The following HBP1 variants were observed in gnomAD, a reference collection of about 807,000 sequenced individuals.
HBP1 encodes HMG-box transcription factor 1.
A neutral mutation model predicts 62.6 loss-of-function variants in HBP1; 20 were observed. The ratio of observed to expected loss-of-function variants is 0.32; its 90% CI spans 0.22 to 0.46. The LOEUF is 0.46. Ranked by LOEUF, HBP1 falls within the 20% of genes least tolerant of loss-of-function variation. HBP1 has a pLI of 1.00. For missense variants in HBP1, 480 were observed against 611.8 expected (o/e 0.78, Z 2.27); for synonymous variants, 232 against 206.2 (o/e 1.12, Z -1.07).
chr7:107,171,420 G>A (rs771047341), intron 1 of HBP1, among the ~76,000 whole-genome samples: 41 of 152,102 alleles, frequency 2.7e-4, no homozygotes, highest in Non-Finnish European at 4.1e-4. Context: ...GAAGTGGCCA[G>A]TGAAGAAGGC....
At position 107,179,943 on chromosome 7, in the gene HBP1, T is replaced by C; in HGVS notation, c.50T>C (p.Leu17Pro). ...CAGATGCCTAATGCAGTACAGAAACTCCTGTTGGTGATGGACAAGAGAGCC... is the reference window on the plus strand; with the variant it reads ...CAGATGCCTAATGCAGTACAGAAACCCCTGTTGGTGATGGACAAGAGAGCC... ...TNQMPNAVQK[L>P]LLVMDKRASG... Residue 17 changes from leucine to proline, a missense_variant, in exon 2 of 11, where the codon CTC (leucine) becomes CCC (proline). Coordinates refer to ENST00000222574, the MANE Select transcript of HBP1 (RefSeq NM_012257.4). The C allele has an allele frequency of 6.3e-7, 1 of 1,593,672 alleles. No homozygotes were observed. The highest frequency in any genetic ancestry group is 8.6e-7 in the Non-Finnish European group (1 of 1,167,186).
chr7:107,177,939 GTC>G (rs1430719316), intron 1 of HBP1, among the ~76,000 whole-genome samples: 1 of 151,968 alleles, frequency 6.6e-6, no homozygotes, highest in Non-Finnish European at 1.5e-5. Context: ...TCATGAAAAA[GTC>G]TTCGTAGAAA....
chr7:107,180,982 C>T (rs1003949966), intron 2 of HBP1, among the ~76,000 whole-genome samples: 1 of 152,106 alleles, frequency 6.6e-6, no homozygotes, highest in African/African-American at 2.4e-5. Context: ...ATTTCCTGAA[C>T]TTCAGAAACA....
At chr7:107,186,048 T>C in intron 4 of HBP1, 106 bp downstream of exon 4, 1 of 812,224 alleles carries the variant, frequency 1.2e-6, no homozygotes, top group Non-Finnish European at 2.0e-6. Context: ...GTGATCTGGA[T>C]TTGATTTTAT....
chr7:107,187,983 CT>C (rs910728846), intron 6 of HBP1, among the ~76,000 whole-genome samples: 1 of 152,148 alleles, frequency 6.6e-6, no homozygotes, highest in Non-Finnish European at 1.5e-5. Flanking sequence ...GCACTCTGGA[CT>C]TGGAGTCAGG....
chr7:107,169,287 T>G, intron 1 of HBP1, 102 bp downstream of exon 1: 1 of 547,902 alleles, frequency 1.8e-6, no homozygotes, highest in Non-Finnish European at 2.5e-6. Context: ...CGTTCCTTCT[T>G]CTCGGAGGGT....
chr7:107,173,006 TTTG>T (rs1209963829), intron 1 of HBP1, among the ~76,000 whole-genome samples: 47 of 152,356 alleles, frequency 3.1e-4, no homozygotes, highest in African/African-American at 8.7e-4. Context: ...ACTAAGGGTT[TTTG>T]TTGTTGTTTT....
chr7:107,170,923 G>GTA (rs1335661521), intron 1 of HBP1, among the ~76,000 whole-genome samples: 3 of 144,150 alleles, frequency 2.1e-5, no homozygotes, highest in African/African-American at 7.7e-5. Context: ...ATATACATAT[G>GTA]TATATGTATA....
chr7:107,174,582 G>A, intron 1 of HBP1: 2 of 985,488 alleles, frequency 2.0e-6, no homozygotes, highest in Non-Finnish European at 2.4e-6. Flanking sequence ...AAAAGTTCTA[G>A]CTGGAAAGAA....
chr7:107,194,978 T>C (rs530204904), intron 8 of HBP1, among the ~76,000 whole-genome samples: 2 of 152,370 alleles, frequency 1.3e-5, no homozygotes, highest in East Asian at 3.9e-4. Context: ...GAGACTGATG[T>C]ATGTATGGCT....
chr7:107,187,830 GCA>G (rs1164494130), intron 6 of HBP1, among the ~76,000 whole-genome samples: 2 of 152,214 alleles, frequency 1.3e-5, no homozygotes, highest in East Asian at 3.8e-4. Context: ...TAGCATGGCA[GCA>G]TCCTGATTCT....
At chr7:107,196,249 T>C in intron 9 of HBP1, 98 bp downstream of exon 9, 1 of 799,928 alleles carries the variant, frequency 1.3e-6, no homozygotes, top group Non-Finnish European at 2.1e-6. Context: ...TTTAATAGCT[T>C]TTATTCAACT....
At chr7:107,199,951 T>C (rs947820792) in intron 9 of HBP1, among the ~76,000 whole-genome samples, 5 of 152,240 alleles carry the variant, frequency 3.3e-5, no homozygotes, top group African/African-American at 1.2e-4. Context: ...ACAAGTTGAA[T>C]ACTTCATGCT....
intron 8 of HBP1, among the ~76,000 whole-genome samples, chr7:107,195,158 A>AT (rs1797833247): frequency 2.0e-5 from 3 of 152,158 alleles, no homozygotes; most frequent in Non-Finnish European, 4.4e-5. Context: ...AATAGCTGGG[A>AT]TTACAGGCAT....
At chr7:107,190,137 A>G in intron 7 of HBP1, 36 bp from the exon 8 acceptor site, 1 of 1,540,098 alleles carries the variant, frequency 6.5e-7, no homozygotes, top group Non-Finnish European at 8.8e-7. Context: ...GCTTTCTGTG[A>G]GTCCTCATCC....
At chr7:107,187,624 C>T (rs1050828374) in intron 6 of HBP1, among the ~76,000 whole-genome samples, 2 of 148,242 alleles carry the variant, frequency 1.3e-5, no homozygotes, top group Admixed American at 6.8e-5. Flanking sequence ...TCAGTTTCGT[C>T]CCCTTGCTTT....
Position 107,169,195 on chromosome 7 carries a change from CT to C in HBP1, c.-16+13del. The C allele has an allele frequency of 2.5e-6, 1 of 403,808 alleles. No individual in the cohort carries two copies. Among genetic ancestry groups the C allele is most frequent in the Non-Finnish European group, 3.1e-6 (1 of 322,478 alleles). The allele number at this position is 403,808 out of a possible 1,614,324, so 25.0% of individuals were successfully genotyped here. On this transcript the variant is annotated intron_variant, in intron 1 of 10. Transcript: ENST00000222574. ...CGGCACTTCGCGGCAGGTTTGTTGT[CT>C]TTCAGTTAGGGAAGAGGTGGGGGTG...
At chr7:107,195,765 A>T (rs1471904602) in intron 8 of HBP1, 69 bp from the exon 9 acceptor site, 8 of 703,960 alleles carry the variant, frequency 1.1e-5, no homozygotes, top group Non-Finnish European at 1.7e-5. Context: ...TTTTTTTTTT[A>T]ACCTGCTTTT....
intron 7 of HBP1, chr7:107,189,936 G>A (rs1272412634): frequency 5.6e-6 from 2 of 355,170 alleles, no homozygotes; most frequent in Non-Finnish European, 1.0e-5. Flanking sequence ...CTGATTGATA[G>A]AGGAGCTCTA....
Sources: gnomAD v4.1 joint callset for allele counts (sites outside exome capture counted in the v4.1 genomes callset) on GRCh38, gnomAD v4.1.1 for gene constraint, MANE v1.5 for transcripts, NCBI Gene and HGNC (gene_info 2026-07-23, HGNC 2026-07-21) for gene names.